SOX5: variants seen among roughly 807,000 people sequenced by gnomAD.
The protein encoded by SOX5 is SRY-box transcription factor 5, also known as transcription factor SOX-5.
Under a neutral mutation model 92.0 loss-of-function variants are expected in SOX5, and 9 were observed. The observed-to-expected ratio is 0.10, with a 90% CI of 0.06 to 0.17. SOX5 has a LOEUF of 0.17. SOX5 is among the 10% of genes least tolerant of loss of function. The pLI, the probability that SOX5 is intolerant of heterozygous loss-of-function variation, is 1.00. For synonymous variants in SOX5, 344 were observed against 336.3 expected (o/e 1.02, Z -0.25); for missense variants, 642 against 944.5 (o/e 0.68, Z 4.20).
At chr12:24,084,317 G>C (rs1485631133) in intron 4 of SOX5, among the ~76,000 whole-genome samples, 1 of 152,050 alleles carries the variant, frequency 6.6e-6, no homozygotes, top group Non-Finnish European at 1.5e-5. Flanking sequence ...AAGTGAAACA[G>C]TCTACTGTAG....
At chr12:24,514,796 A>G (rs1204588888) in intron 1 of SOX5, among the ~76,000 whole-genome samples, 7 of 152,332 alleles carry the variant, frequency 4.6e-5, no homozygotes, top group African/African-American at 9.6e-5. Context: ...GCAAACTAAC[A>G]TAAGAACAGA....
intron 6 of SOX5, among the ~76,000 whole-genome samples, chr12:23,720,731 T>G (rs142906533): frequency 6.6e-6 from 1 of 152,350 alleles, no homozygotes; most frequent in East Asian, 1.9e-4. Flanking sequence ...ATTTCCTAAT[T>G]GTTCTCTTAA....
chr12:23,555,452 G>C (rs1015205019), intron 11 of SOX5, among the ~76,000 whole-genome samples: 7 of 151,596 alleles, frequency 4.6e-5, no homozygotes, highest in Non-Finnish European at 8.8e-5. Context: ...GCTTTTCTAG[G>C]CTAGAAAATT....
At chr12:24,244,086 C>T (rs1938102143) in intron 3 of SOX5, among the ~76,000 whole-genome samples, 1 of 150,080 alleles carries the variant, frequency 6.7e-6, no homozygotes, top group African/African-American at 2.4e-5. Context: ...GGACATTTTA[C>T]ACCAAATCAT....
intron 6 of SOX5, among the ~76,000 whole-genome samples, chr12:23,667,583 C>T (rs946280527): frequency 6.6e-6 from 1 of 152,076 alleles, no homozygotes; most frequent in Non-Finnish European, 1.5e-5. Flanking sequence ...GAAATAAGAC[C>T]TAGCTTGGCC....
chr12:23,879,687 G>T (rs112175914), intron 2 of SOX5, among the ~76,000 whole-genome samples: 1 of 152,134 alleles, frequency 6.6e-6, no homozygotes, highest in Non-Finnish European at 1.5e-5. Flanking sequence ...GTGAGTAGGA[G>T]AAAACAACTT....
intron 4 of SOX5, among the ~76,000 whole-genome samples, chr12:23,977,620 A>AC (rs5797055): frequency 0.77 from 114,984 of 149,760 alleles, 44,468 homozygotes; most frequent in East Asian, 0.95. Flanking sequence ...CCAAGATCGC[A>AC]CCACTGCACT....
At chr12:24,241,252 A>C (rs1040264944) in intron 3 of SOX5, among the ~76,000 whole-genome samples, 1 of 152,230 alleles carries the variant, frequency 6.6e-6, no homozygotes, top group Non-Finnish European at 1.5e-5. Context: ...AGTTAAGATG[A>C]ATCTAGATTT....
intron 4 of SOX5, among the ~76,000 whole-genome samples, chr12:24,202,263 A>C (rs1354735150): frequency 1.3e-5 from 2 of 152,212 alleles, no homozygotes; most frequent in Non-Finnish European, 2.9e-5. Flanking sequence ...TCATCCTTTT[A>C]TATAGCAATG....
intron 2 of SOX5, among the ~76,000 whole-genome samples, chr12:24,324,628 A>G (rs774125969): frequency 2.6e-5 from 4 of 152,156 alleles, no homozygotes; most frequent in Non-Finnish European, 4.4e-5. Context: ...ATAGTAGTTA[A>G]AAGCCCAAAA....
At chr12:24,018,711 C>T (rs530672295) in intron 4 of SOX5, among the ~76,000 whole-genome samples, 26 of 152,112 alleles carry the variant, frequency 1.7e-4, no homozygotes, top group East Asian at 5.8e-4. Context: ...GCAGGAGAAT[C>T]GCTTGAACCT....
chr12:24,271,970 CACACACACACAA>C (rs1175297160), intron 3 of SOX5, among the ~76,000 whole-genome samples: 1 of 79,868 alleles, frequency 1.3e-5, no homozygotes, highest in Non-Finnish European at 2.6e-5. Flanking sequence ...TGACATTTCA[CACACACACACAA>C]ACACACACAC....
chr12:23,902,309 T>G (rs1399089714), intron 1 of SOX5, among the ~76,000 whole-genome samples: 1 of 152,164 alleles, frequency 6.6e-6, no homozygotes, highest in Non-Finnish European at 1.5e-5. Flanking sequence ...TTAAGTTTCT[T>G]TCTTTAAATA....
At chr12:24,098,095 T>C (rs965378910) in intron 4 of SOX5, among the ~76,000 whole-genome samples, 2 of 152,132 alleles carry the variant, frequency 1.3e-5, no homozygotes, top group African/African-American at 2.4e-5. Flanking sequence ...AGTAGGTAGG[T>C]ACTTCCTACC....
intron 10 of SOX5, among the ~76,000 whole-genome samples, chr12:23,570,164 T>C (rs1947899943): frequency 6.6e-6 from 1 of 152,230 alleles, no homozygotes; most frequent in Non-Finnish European, 1.5e-5. Context: ...GTAAAAGTAA[T>C]GGCATATTTG....
intron 6 of SOX5, among the ~76,000 whole-genome samples, chr12:23,723,566 T>TTATATATATA (rs10679589): frequency 0.12 from 16,849 of 144,296 alleles, 1,188 homozygotes; most frequent in Admixed American, 0.18. Context: ...AGGAGAAAAA[T>TTATATATATA]TATATATATA....
At chr12:23,736,386 T>G (rs2093594555) in intron 5 of SOX5, among the ~76,000 whole-genome samples, 1 of 151,866 alleles carries the variant, frequency 6.6e-6, no homozygotes, top group Admixed American at 6.6e-5. Context: ...GTCGTGAACC[T>G]GGGAAGTGGA....
Position 23,531,453 on chromosome 12 carries a change from A to G in SOX5, c.*2766T>C, listed in dbSNP as rs1222579218. 1 of 152,250 alleles carries G rather than the reference A, an allele frequency of 6.6e-6. No homozygotes were observed. The highest frequency in any genetic ancestry group is 2.4e-5 in the African/African-American group (1 of 41,462). 9.4% of individuals were successfully genotyped at this position (152,250 alleles called of 1,614,324 possible). A position where few individuals can be genotyped will look rare whatever the true frequency, so the allele number is the denominator to read the frequency against. On this transcript the variant is annotated 3_prime_UTR_variant, in exon 15 of 15. Coordinates refer to ENST00000451604, the MANE Select transcript of SOX5 (RefSeq NM_006940.6). The stretch of plus-strand genomic sequence containing the variant: ...AATGCCTTCAATGGCATCTACCTGG[A>G]GCTAAAACAAAGTATTCTTGTAGCC...
chr12:23,678,718 A>G (rs536123868), intron 6 of SOX5, among the ~76,000 whole-genome samples: 85 of 146,294 alleles, frequency 5.8e-4, no homozygotes, highest in African/African-American at 2.0e-3. Flanking sequence ...AAATATTTTC[A>G]TCACCCCTAT....
Sources: gnomAD v4.1 joint callset for allele counts (sites outside exome capture counted in the v4.1 genomes callset) on GRCh38, gnomAD v4.1.1 for gene constraint, MANE v1.5 for transcripts, NCBI Gene and HGNC (gene_info 2026-07-23, HGNC 2026-07-21) for gene names.